Variants in ERBB4 observed in about 807,000 individuals in gnomAD.
ERBB4 encodes the protein erb-b2 receptor tyrosine kinase 4, also known as receptor tyrosine-protein kinase erbB-4.
ERBB4 carries 42 observed loss-of-function variants against 158.0 expected under a neutral mutation model. The ratio of observed to expected loss-of-function variants is 0.27; its 90% CI spans 0.21 to 0.34. The LOEUF (loss-of-function observed/expected upper bound fraction) is 0.34, where lower values mean the gene tolerates loss of function less well. ERBB4 is among the 10% of genes least tolerant of loss of function. ERBB4 has a pLI of 1.00. For missense variants in ERBB4, 1,333 were observed against 1,624.1 expected, an observed-to-expected ratio of 0.82 and a Z score of 3.08; for synonymous variants, 583 against 558.7, an observed-to-expected ratio of 1.04 and a Z score of -0.61.
chr2:211,454,892 A>C (rs58543589), intron 20 of ERBB4, among the ~76,000 whole-genome samples: 2,516 of 152,276 alleles, frequency 0.017, 68 homozygotes, highest in African/African-American at 0.056. Context: ...CTGCCTCCTC[A>C]CTTGTGTAAG....
At position 212,474,822 on chromosome 2, in the gene ERBB4, C is replaced by CTTTTTTTTTTTT. The variant is rs539959668; in HGVS notation, c.82+63615_82+63626dup. On this transcript the variant is annotated intron_variant, in intron 1 of 27. Coordinates refer to ENST00000342788, the MANE Select transcript of ERBB4 (RefSeq NM_005235.3). ...CACCATTTCCTGACACCCGGCCATT[C>CTTTTTTTTTTTT]TTTTTTTTTTTTTTTTTTGTCAAGA... 2.6e-3 allele frequency among the ~76,000 whole-genome samples: 249 copies of CTTTTTTTTTTTT among 94,410 alleles called. 15 individuals carry two copies. The highest frequency in any genetic ancestry group is 8.8e-3 in the African/African-American group (144 of 16,428). The allele number at this position is 94,410 out of a possible 152,430, so 61.9% of individuals were successfully genotyped here. A position where few individuals can be genotyped will look rare whatever the true frequency, so the allele number is the denominator to read the frequency against.
chr2:211,445,581 A>G (rs2064091364), intron 20 of ERBB4, among the ~76,000 whole-genome samples: 1 of 152,120 alleles, frequency 6.6e-6, no homozygotes, highest in Non-Finnish European at 1.5e-5. Context: ...AGGTAAAACT[A>G]GCGACAGTAT....
chr2:212,211,617 T>TAA (rs766982489), intron 1 of ERBB4, among the ~76,000 whole-genome samples: 25 of 95,178 alleles, frequency 2.6e-4, no homozygotes, highest in Admixed American at 9.5e-4. Flanking sequence ...AAAATTTATC[T>TAA]AAAAAAAAAA....
intron 20 of ERBB4, among the ~76,000 whole-genome samples, chr2:211,493,673 A>ATG (rs1559224365): frequency 8.0e-6 from 1 of 125,596 alleles, no homozygotes; most frequent in African/African-American, 3.4e-5. Context: ...ATGATTTGAA[A>ATG]TATATATTTT....
intron 4 of ERBB4, among the ~76,000 whole-genome samples, chr2:211,780,790 C>T (rs1305951330): frequency 6.6e-6 from 1 of 152,134 alleles, no homozygotes; most frequent in East Asian, 1.9e-4. Flanking sequence ...TTTATTAAAA[C>T]AGGTCCATAA....
chr2:211,939,670 G>A (rs907792221), intron 3 of ERBB4, among the ~76,000 whole-genome samples: 2 of 152,092 alleles, frequency 1.3e-5, no homozygotes, highest in African/African-American at 4.8e-5. Context: ...TTTGGTGGCC[G>A]GGCATGGTGG....
chr2:211,683,684 T>G (rs1435928913), intron 12 of ERBB4, among the ~76,000 whole-genome samples: 2 of 151,966 alleles, frequency 1.3e-5, no homozygotes, highest in Non-Finnish European at 2.9e-5. Flanking sequence ...TTCATTTTTC[T>G]GTAATAAATT....
At chr2:212,169,814 C>T (rs1300544520) in intron 1 of ERBB4, among the ~76,000 whole-genome samples, 1 of 152,128 alleles carries the variant, frequency 6.6e-6, no homozygotes. Flanking sequence ...TTCTCCTTCA[C>T]ACAGCTCTCT....
intron 2 of ERBB4, among the ~76,000 whole-genome samples, chr2:211,966,430 C>T (rs571011296): frequency 2.8e-4 from 42 of 151,916 alleles, no homozygotes; most frequent in African/African-American, 8.9e-4. Flanking sequence ...TTAGTAGAGA[C>T]GGGGTTTCAC....
At chr2:211,644,861 C>T (rs576268973) in intron 16 of ERBB4, among the ~76,000 whole-genome samples, 11 of 152,014 alleles carry the variant, frequency 7.2e-5, no homozygotes, top group African/African-American at 2.6e-4. Context: ...GTCTTTAAAG[C>T]TTTCAGATTG....
intron 3 of ERBB4, among the ~76,000 whole-genome samples, chr2:211,833,355 T>C (rs1260270650): frequency 6.6e-6 from 1 of 152,150 alleles, no homozygotes. Context: ...CCATTCTCAG[T>C]GTTCCACTGA....
intron 5 of ERBB4, among the ~76,000 whole-genome samples, chr2:211,747,443 G>A (rs927890440): frequency 1.3e-5 from 2 of 152,086 alleles, no homozygotes; most frequent in Non-Finnish European, 2.9e-5. Context: ...GTGAAGTAAA[G>A]GGTAAAGTGT....
intron 19 of ERBB4, among the ~76,000 whole-genome samples, chr2:211,602,724 G>A (rs1366946341): frequency 6.6e-6 from 1 of 151,936 alleles, no homozygotes; most frequent in Admixed American, 6.6e-5. Flanking sequence ...CTCCTGATTG[G>A]GCATAGACTA....
chr2:212,047,463 T>TTTTATTTA (rs561340076), intron 2 of ERBB4, among the ~76,000 whole-genome samples: 7 of 151,554 alleles, frequency 4.6e-5, no homozygotes, highest in Admixed American at 6.6e-5. Flanking sequence ...TTCATATTAA[T>TTTTATTTA]TTTATTTATT....
At chr2:211,903,101 A>G (rs1157566521) in intron 3 of ERBB4, among the ~76,000 whole-genome samples, 2 of 151,598 alleles carry the variant, frequency 1.3e-5, no homozygotes, top group African/African-American at 4.8e-5. Context: ...GTAACTTAAA[A>G]TAAGTCTCTT....
At position 211,705,774 on chromosome 2, in the gene ERBB4, G is replaced by A. The variant is rs77965449; in HGVS notation, c.1125-383C>T. On this transcript the variant is annotated intron_variant, in intron 9 of 27. Coordinates refer to ENST00000342788, the MANE Select transcript of ERBB4 (RefSeq NM_005235.3). ...ACATTATATTATAGTGAGAACAACT[G>A]GCATTTCCGCTCCTCAAAGAAGTAT... Among the ~76,000 whole-genome samples the A allele has an allele frequency of 7.9e-3, 1,196 of 152,226 alleles. 11 individuals are homozygous for A. The highest frequency in any genetic ancestry group is 0.027 in the African/African-American group (1,125 of 41,528).
At chr2:211,579,980 T>C (rs1311640019) in intron 19 of ERBB4, among the ~76,000 whole-genome samples, 1 of 152,156 alleles carries the variant, frequency 6.6e-6, no homozygotes, top group African/African-American at 2.4e-5. Flanking sequence ...ACTAAAGTTG[T>C]CAACTCATAT....
intron 1 of ERBB4, among the ~76,000 whole-genome samples, chr2:212,148,379 T>C (rs1189500345): frequency 6.6e-6 from 1 of 152,188 alleles, no homozygotes; most frequent in Non-Finnish European, 1.5e-5. Context: ...TTGTGTATTA[T>C]CTCTGAGGTA....
At chr2:211,582,266 T>A (rs1478144474) in intron 19 of ERBB4, among the ~76,000 whole-genome samples, 1 of 152,216 alleles carries the variant, frequency 6.6e-6, no homozygotes, top group East Asian at 1.9e-4. Context: ...CATTAATTGT[T>A]ATTGCTTTGT....
Sources: gnomAD v4.1 joint callset for allele counts (sites outside exome capture counted in the v4.1 genomes callset) on GRCh38, gnomAD v4.1.1 for gene constraint, MANE v1.5 for transcripts, NCBI Gene and HGNC (gene_info 2026-07-23, HGNC 2026-07-21) for gene names.